HIPK1: variants seen among roughly 807,000 people sequenced by gnomAD.
The protein encoded by HIPK1 is homeodomain-interacting protein kinase 1.
In HIPK1, 28 loss-of-function variants were observed where a neutral mutation model predicts 117.1. That is an observed-to-expected ratio of 0.24 (90% CI 0.18 to 0.33). HIPK1 has a LOEUF of 0.33. Among genes scored for constraint, HIPK1 ranks in the 10% least tolerant of loss-of-function variants. The pLI is 1.00. For synonymous variants in HIPK1, 605 were observed against 562.5 expected, an observed-to-expected ratio of 1.08 and a Z score of -1.07; for missense variants, 1,122 against 1,475.1, an observed-to-expected ratio of 0.76 and a Z score of 3.92.
chr1:113,972,979 C>T, intron 15 of HIPK1, 45 bp from the exon 16 acceptor site: 7 of 1,507,850 alleles, frequency 4.6e-6, no homozygotes, highest in Non-Finnish European at 6.2e-6. Flanking sequence ...GTGCCCTGAG[C>T]TGGAGTGACC....
In HIPK1 at chr1:113,971,881, G is replaced by A. The variant is rs750374501; in HGVS notation, c.3071G>A (p.Cys1024Tyr). The change falls in exon 15 of 16, where the codon TGC (cysteine) becomes TAC (tyrosine). Residue 1024 changes from cysteine to tyrosine, a missense_variant. This residue lies in a region of HIPK1 where 731 missense variants were observed against 860.4 expected (regional missense o/e 0.85). Transcript: ENST00000426820. ...VASVSGQSSG[C>Y]CITPTGYRAQ... Reference sequence around the variant, plus strand: ...TCAGTGAGTGGGCAGTCATCTGGATGCTGTATCACCCCCACAGGGTATCGA... The same window carrying A: ...TCAGTGAGTGGGCAGTCATCTGGATACTGTATCACCCCCACAGGGTATCGA... 1 of 1,602,658 alleles carries A rather than the reference G, an allele frequency of 6.2e-7. No individual in the cohort carries two copies. Among genetic ancestry groups the A allele is most frequent in the Admixed American group, 1.8e-5 (1 of 56,428 alleles).
chr1:113,957,016 A>T, intron 6 of HIPK1, 108 bp from the exon 7 acceptor site: 3 of 980,874 alleles, frequency 3.1e-6, no homozygotes, highest in Non-Finnish European at 4.6e-6. Context: ...GATTTATTTT[A>T]TCTGAAAGTG....
chr1:113,932,201 C>T (rs891787342), intron 1 of HIPK1: 2 of 151,956 alleles, frequency 1.3e-5, no homozygotes, highest in African/African-American at 4.8e-5. Context: ...ATCATTTCAG[C>T]AACATTTTAA....
At chr1:113,937,817 A>G (rs895804412) in intron 1 of HIPK1, among the ~76,000 whole-genome samples, 4 of 152,112 alleles carry the variant, frequency 2.6e-5, no homozygotes, top group African/African-American at 9.7e-5. Flanking sequence ...AAAGTCTTCA[A>G]CATATTTAGA....
Position 113,929,895 on chromosome 1 carries a change from C to T in HIPK1, c.-3+363C>T, listed in dbSNP as rs1669731402. 5.1e-6 allele frequency: 5 copies of T among 986,680 alleles called. No homozygotes were observed. In the South Asian group the frequency reaches 1.9e-4, roughly 37 times the overall value. The allele number at this position is 986,680 out of a possible 1,614,324, so 61.1% of individuals were successfully genotyped here. A position where few individuals can be genotyped will look rare whatever the true frequency, so the allele number is the denominator to read the frequency against. On this transcript the variant is annotated intron_variant, in intron 1 of 15. Coordinates refer to ENST00000426820, the MANE Select transcript of HIPK1 (RefSeq NM_198268.3). ...CAGATCTCGTCTCCTCCGCCGCCTC[C>T]TCACGGCAGCCCCAGCTCGCGGCTG...
In HIPK1 at chr1:113,965,804, TC is replaced by T. The variant is rs1672404941; in HGVS notation, c.2239-324del. On this transcript the variant is annotated intron_variant, in intron 10 of 15. Transcript: ENST00000426820. ...TTTAGAATTGTTGCAAAAATGAAAC[TC>T]CAGCATTTAACCAGCTCTTATCTCT... Among the ~76,000 whole-genome samples the T allele has an allele frequency of 2.0e-5, 3 of 152,316 alleles. No individual in the cohort carries two copies. The South Asian group carries it at 6.2e-4, about 32-fold the overall frequency.
chr1:113,938,398 G>C (rs1017933018), intron 1 of HIPK1, among the ~76,000 whole-genome samples: 44 of 151,848 alleles, frequency 2.9e-4, no homozygotes, highest in African/African-American at 1.0e-3. Context: ...AGCGACCATG[G>C]CCAGCCAAGT....
chr1:113,955,616 G>A lies in HIPK1; in HGVS notation c.1374G>A (p.Lys458=). Residue 458 remains lysine, a synonymous_variant, in exon 5 of 16, where the codon AAG becomes AAA. Coordinates refer to ENST00000426820, the MANE Select transcript of HIPK1 (RefSeq NM_198268.3). ...ETGIKSKEAR[K]YIFNCLDDMA... is the part of the protein sequence containing the mutation. The stretch of plus-strand genomic sequence containing the variant: ...GAATAAAATCAAAAGAAGCTCGGAA[G>A]TACATTTTTAATTGCTTAGATGACA... 1 of 1,607,322 alleles carries A rather than the reference G, an allele frequency of 6.2e-7. No homozygotes were observed. The highest frequency in any genetic ancestry group is 8.5e-7 in the Non-Finnish European group (1 of 1,174,222).
chr1:113,956,532 A>G (rs1671738878), intron 5 of HIPK1, 95 bp from the exon 6 acceptor site: 6 of 790,360 alleles, frequency 7.6e-6, no homozygotes, highest in East Asian at 5.3e-5. Flanking sequence ...TTGATTACAT[A>G]TATACACACA....
chr1:113,937,799 C>T (rs546093268), intron 1 of HIPK1, among the ~76,000 whole-genome samples: 4 of 152,006 alleles, frequency 2.6e-5, no homozygotes, highest in African/African-American at 4.8e-5. Context: ...GGGCAGTTTT[C>T]GCAGCAGAAA....
chr1:113,959,214 A>G (rs1394896359), intron 8 of HIPK1, among the ~76,000 whole-genome samples: 1 of 151,954 alleles, frequency 6.6e-6, no homozygotes, highest in Non-Finnish European at 1.5e-5. Context: ...TTGCCTTTTT[A>G]CATCAATTAC....
chr1:113,969,793 G>A (rs1672698443), intron 13 of HIPK1, among the ~76,000 whole-genome samples, 163 bp from the exon 14 acceptor site: 1 of 152,140 alleles, frequency 6.6e-6, no homozygotes, highest in Non-Finnish European at 1.5e-5. Context: ...TGTAGTCCCA[G>A]CTACTCGGGA....
chr1:113,962,216 A>T, intron 8 of HIPK1, 101 bp from the exon 9 acceptor site: 1 of 1,229,476 alleles, frequency 8.1e-7, no homozygotes, highest in Non-Finnish European at 1.1e-6. Flanking sequence ...TTAAAACCTG[A>T]ACAGTGGATT....
chr1:113,937,760 G>C (rs929666913), intron 1 of HIPK1, among the ~76,000 whole-genome samples: 1 of 152,060 alleles, frequency 6.6e-6, no homozygotes, highest in African/African-American at 2.4e-5. Context: ...TGATCGTAGG[G>C]AGCGTTTCTG....
chr1:113,935,015 G>T lies in HIPK1; in HGVS notation c.-2-5367G>T, dbSNP rs1670162676. ...AAAAAAAAAAAAAAAAAAAGAATCA[G>T]CTGTTTTTTTTTTTTAAACCTTTAT... is the stretch of plus-strand genomic sequence containing the variant. On this transcript the variant is annotated intron_variant, in intron 1 of 15. Coordinates refer to ENST00000426820, the MANE Select transcript of HIPK1 (RefSeq NM_198268.3). 2.1e-5 allele frequency among the ~76,000 whole-genome samples: 3 copies of T among 146,336 alleles called. No homozygotes were observed. In the East Asian group the frequency reaches 5.9e-4, roughly 29 times the overall value.
chr1:113,957,167 G>T lies in HIPK1; in HGVS notation c.1636G>T (p.Val546Phe). The T allele has an allele frequency of 6.2e-7, 1 of 1,613,692 alleles. No homozygotes were observed. The highest frequency in any genetic ancestry group is 8.5e-7 in the Non-Finnish European group (1 of 1,179,656). ...GAACATGGAGATCTGCAAGCGGAGG[G>T]TTCACATGTATGATACAGTGAGTCA... is the stretch of plus-strand genomic sequence containing the variant. ...FQNMEICKRR[V>F]HMYDTVSQIK... Residue 546 changes from valine to phenylalanine, a missense_variant, in exon 7 of 16, where the codon GTT becomes TTT. By Grantham distance (50) the Val-to-Phe change is conservative. Transcript: ENST00000426820.
chr1:113,948,216 T>C (rs1671114414), intron 2 of HIPK1, among the ~76,000 whole-genome samples: 1 of 152,220 alleles, frequency 6.6e-6, no homozygotes. Context: ...GTCTAACATT[T>C]ATAGGCCCAA....
intron 3 of HIPK1, among the ~76,000 whole-genome samples, chr1:113,953,097 AAAG>A (rs1304867811): frequency 2.6e-5 from 4 of 152,192 alleles, no homozygotes; most frequent in Non-Finnish European, 5.9e-5. Flanking sequence ...ATAATAAAAA[AAAG>A]AATTTTATTT....
chr1:113,941,228 A>T lies in HIPK1; in HGVS notation c.845A>T (p.Asn282Ile). 6.2e-7 allele frequency: 1 copy of T among 1,614,242 alleles called. No homozygotes were observed. Residue 282 changes from asparagine (N) to isoleucine (I), a missense_variant, in exon 2 of 16, where the codon AAC becomes ATC. Asn to Ile is a moderately radical substitution (Grantham distance 149). This residue lies in a region of HIPK1 where 62 missense variants were observed against 121.5 expected (regional missense o/e 0.51). Coordinates refer to ENST00000426820, the MANE Select transcript of HIPK1 (RefSeq NM_198268.3). This position sits in a 1 kb window ranked among gnomAD's most constrained non-coding sequence, Gnocchi z 4.9. ...EQNLYDFLKQ[N>I]KFSPLPLKYI... is the part of the protein sequence containing the mutation. The stretch of plus-strand genomic sequence containing the variant: ...AACTTATATGATTTTCTAAAGCAAA[A>T]CAAATTTAGCCCACTGCCACTCAAG...
Sources: allele counts gnomAD v4.1 joint callset (sites outside exome capture counted in the v4.1 genomes callset), GRCh38; gene constraint gnomAD v4.1.1; regional missense constraint gnomAD v4.1.1; non-coding constraint Gnocchi (gnomAD v3.1); transcripts MANE v1.5; gene names NCBI Gene and HGNC (gene_info 2026-07-23, HGNC 2026-07-21).